RIN2: variants seen among roughly 807,000 people sequenced by gnomAD.
The protein encoded by RIN2 is RAB5 interacting protein 2.
In RIN2, 36 loss-of-function variants were observed where a neutral mutation model predicts 78.0. That is an observed-to-expected ratio of 0.46 (90% CI 0.35 to 0.61). The LOEUF is 0.61. Ranked by LOEUF, RIN2 falls within the 20% of genes least tolerant of loss-of-function variation. The probability of loss-of-function intolerance (pLI) is 0.00; values close to 1 mark genes in which losing one functional copy is unlikely to be tolerated. For missense variants in RIN2, 1,087 were observed against 1,159.7 expected (o/e 0.94, Z 0.91); for synonymous variants, 466 against 466.8 (o/e 1.00, Z 0.02).
chr20:19,889,770 G>A, intron 3 of RIN2, 112 bp downstream of exon 3: 2 of 809,072 alleles, frequency 2.5e-6, no homozygotes, highest in Admixed American at 3.3e-5. Context: ...GCCAGCACCG[G>A]CTAAGGGAGC....
chr20:19,983,923 G>A (rs1257399446), intron 9 of RIN2, among the ~76,000 whole-genome samples: 1 of 151,868 alleles, frequency 6.6e-6, no homozygotes, highest in Non-Finnish European at 1.5e-5. Context: ...GTACATGTGT[G>A]CAACGTGCAG....
intron 4 of RIN2, among the ~76,000 whole-genome samples, chr20:19,943,057 C>T (rs546867595): frequency 3.3e-5 from 5 of 152,362 alleles, no homozygotes; most frequent in East Asian, 3.9e-4. Context: ...CTTGCCTTTC[C>T]GTGAAGCAGG....
At chr20:19,762,899 G>A (rs1282223044) in intron 1 of RIN2, among the ~76,000 whole-genome samples, 1 of 152,026 alleles carries the variant, frequency 6.6e-6, no homozygotes, top group Non-Finnish European at 1.5e-5. Context: ...GAATAGCTGG[G>A]ATTACAGGTG....
intron 3 of RIN2, among the ~76,000 whole-genome samples, chr20:19,922,724 G>T (rs1412262022): frequency 6.6e-6 from 1 of 152,150 alleles, no homozygotes; most frequent in Non-Finnish European, 1.5e-5. Flanking sequence ...TGCCCATGGG[G>T]ACCATAAGGT....
chr20:19,824,953 C>A (rs2047434600), intron 2 of RIN2, among the ~76,000 whole-genome samples: 1 of 152,152 alleles, frequency 6.6e-6, no homozygotes, highest in African/African-American at 2.4e-5. Context: ...TTCTCCAAGG[C>A]CTGCTCGAGG....
chr20:19,878,061 A>G (rs2123416544), intron 2 of RIN2, among the ~76,000 whole-genome samples: 1 of 152,240 alleles, frequency 6.6e-6, no homozygotes, highest in Admixed American at 6.5e-5. Flanking sequence ...TTCTGTTGTG[A>G]GCCCTAAGAT....
intron 7 of RIN2, among the ~76,000 whole-genome samples, chr20:19,968,826 T>C (rs529255135): frequency 6.6e-6 from 1 of 152,180 alleles, no homozygotes; most frequent in African/African-American, 2.4e-5. Context: ...TACAAGGTTG[T>C]GGTTCCCATT....
At chr20:19,913,230 T>G (rs2039549172) in intron 3 of RIN2, among the ~76,000 whole-genome samples, 1 of 152,124 alleles carries the variant, frequency 6.6e-6, no homozygotes, top group Non-Finnish European at 1.5e-5. Flanking sequence ...TCTCAGATCT[T>G]ACTGTTTTTT....
At chr20:19,823,388 C>CTTTT (rs879159405) in intron 2 of RIN2, 4 of 376,988 alleles carry the variant, frequency 1.1e-5, no homozygotes, top group South Asian at 2.9e-5. Context: ...GCTCTGCCTG[C>CTTTT]TTTTTTTTTT....
At chr20:19,804,986 T>C (rs1317853853) in intron 2 of RIN2, among the ~76,000 whole-genome samples, 1 of 152,178 alleles carries the variant, frequency 6.6e-6, no homozygotes, top group Non-Finnish European at 1.5e-5. Context: ...TTGTGTCCAG[T>C]AATTTATCCA....
At chr20:19,877,428 C>T (rs1173793433) in intron 2 of RIN2, among the ~76,000 whole-genome samples, 2 of 152,080 alleles carry the variant, frequency 1.3e-5, no homozygotes, top group Non-Finnish European at 2.9e-5. Context: ...GAACTGAGAG[C>T]GAGGTTTCAG....
rs550378353 is a variant in RIN2, at chr20:20,000,836, G to C, written c.2588G>C (p.Arg863Pro). Reference protein sequence around the residue: ...PQKIKAELHSRPQPHIFHFVY... With the variant: ...PQKIKAELHSPPQPHIFHFVY... ...AAAATCAAGGCGGAGCTGCACAGCC[G>C]ACCACAGCCCCACATCTTCCACTTT... is the stretch of plus-strand genomic sequence containing the variant. The change falls in exon 13 of 13, where the codon CGA (arginine) becomes CCA (proline). Residue 863 changes from arginine to proline, a missense_variant. Around this residue, in one of 8 missense-constraint regions of RIN2, gnomAD observed 160 missense variants for 179.4 expected, o/e 0.89. Coordinates refer to ENST00000255006, the MANE Select transcript of RIN2 (RefSeq NM_018993.4). The C allele has an allele frequency of 1.2e-6, 2 of 1,613,920 alleles. No homozygotes were observed. Among genetic ancestry groups the C allele is most frequent in the South Asian group, 2.2e-5 (2 of 91,062 alleles).
rs183588718 is a variant in RIN2 at position 19,835,576 on chromosome 20, A to G, written c.-37+35829A>G. ...TTAAAAGATCAGCATTTAAAAAGCT[A>G]TACTCTAAGGTAAATAAATCAGTAC... On this transcript the variant is annotated intron_variant, in intron 2 of 12. Transcript: ENST00000255006. Among the ~76,000 whole-genome samples, 12 of 152,332 alleles carry G rather than the reference A, an allele frequency of 7.9e-5. No individual in the cohort carries two copies. In the East Asian group the frequency reaches 2.3e-3, roughly 29 times the overall value.
At chr20:19,933,881 T>C (rs1313771898) in intron 3 of RIN2, among the ~76,000 whole-genome samples, 1 of 152,172 alleles carries the variant, frequency 6.6e-6, no homozygotes, top group African/African-American at 2.4e-5. Flanking sequence ...TGATCTTGGC[T>C]CACTGCAACC....
chr20:19,808,085 T>C (rs1411515501), intron 2 of RIN2, among the ~76,000 whole-genome samples: 2 of 152,282 alleles, frequency 1.3e-5, no homozygotes, highest in Non-Finnish European at 2.9e-5. Context: ...ATTTATACTG[T>C]GTCCTTGCAT....
intron 2 of RIN2, among the ~76,000 whole-genome samples, chr20:19,806,421 C>A (rs943562898): frequency 6.6e-6 from 1 of 152,128 alleles, no homozygotes; most frequent in Admixed American, 6.6e-5. Flanking sequence ...TTCTAACTGG[C>A]GTGAGATGGA....
chr20:19,963,946 G>A (rs764780807), intron 6 of RIN2, among the ~76,000 whole-genome samples: 25 of 139,696 alleles, frequency 1.8e-4, no homozygotes, highest in Admixed American at 1.5e-3. Flanking sequence ...TCACTGCAAC[G>A]TCCACCTCCC....
At chr20:19,815,618 T>C (rs2035743522) in intron 2 of RIN2, among the ~76,000 whole-genome samples, 1 of 152,208 alleles carries the variant, frequency 6.6e-6, no homozygotes, top group African/African-American at 2.4e-5. Flanking sequence ...GATGCGTGCA[T>C]GTGTGTGGTT....
At position 19,826,722 on chromosome 20, in the gene RIN2, G is replaced by T. The variant is rs181132958; in HGVS notation, c.-37+26975G>T. On this transcript the variant is annotated intron_variant, in intron 2 of 12. Coordinates refer to ENST00000255006, the MANE Select transcript of RIN2 (RefSeq NM_018993.4). ...TTTAACTTCTTAGCAAACATCCTGC[G>T]CAGGACAGGCACGGAGGGAATCTTG... is the stretch of plus-strand genomic sequence containing the variant. Among the ~76,000 whole-genome samples the T allele has an allele frequency of 3.3e-5, 5 of 152,200 alleles. No individual in the cohort carries two copies. In the East Asian group the frequency reaches 7.7e-4, roughly 24 times the overall value.
Sources: gnomAD v4.1 joint callset for allele counts (sites outside exome capture counted in the v4.1 genomes callset) on GRCh38, gnomAD v4.1.1 for gene constraint, gnomAD v4.1.1 regional missense constraint, MANE v1.5 for transcripts, NCBI Gene and HGNC (gene_info 2026-07-23, HGNC 2026-07-21) for gene names.